Variants in EMILIN1 observed in about 807,000 individuals in gnomAD.
EMILIN1 encodes EMILIN-1.
EMILIN1 carries 49 observed loss-of-function variants against 82.4 expected under a neutral mutation model. That is an observed-to-expected ratio of 0.59 (90% CI 0.47 to 0.75). The LOEUF is 0.75. Among genes scored for constraint, EMILIN1 ranks in the 30% least tolerant of loss-of-function variants. The pLI is 0.00. For synonymous variants in EMILIN1, 604 were observed against 602.2 expected (o/e 1.00, Z -0.04); for missense variants, 1,313 against 1,366.4 (o/e 0.96, Z 0.62).
intron 1 of EMILIN1, 105 bp from the exon 2 acceptor site, chr2:27,080,046 G>A: frequency 7.6e-7 from 1 of 1,323,778 alleles, no homozygotes; most frequent in Non-Finnish European, 1.1e-6. Flanking sequence ...GATCCCCAAG[G>A]GTTCTGCATC....
rs779986557 is a variant in EMILIN1, at chr2:27,083,844, T to G, written c.2273T>G (p.Leu758Arg). The G allele has an allele frequency of 6.2e-7, 1 of 1,603,282 alleles. No individual in the cohort carries two copies. The highest frequency in any genetic ancestry group is 8.5e-7 in the Non-Finnish European group (1 of 1,172,166). ...GGCCTTTCCAGACACGTGGCTGGGC[T>G]CTGGGCTGGGCTCCGGGAAACCAAC... ...REGLSRHVAGLWAGLRETNTT... is the reference protein window; with the variant it reads ...REGLSRHVAGRWAGLRETNTT... Residue 758 changes from leucine (L) to arginine (R), a missense_variant, in exon 4 of 8, where the codon CTC (leucine) becomes CGC (arginine). Physicochemically the swap from Leu to Arg is moderately radical, Grantham distance 102. Transcript: ENST00000380320.
Position 27,083,372 on chromosome 2 carries a change from C to T in EMILIN1, c.1801C>T (p.Arg601Cys), listed in dbSNP as rs745565616. ...AGGCCGCCTTCGGGATGGTGTGGAG[C>T]GCTGCTCCTGCCCCCTGTTGCCTCC... ...ELGRLRDGVERCSCPLLPPRG... is the reference protein window; with the variant it reads ...ELGRLRDGVECCSCPLLPPRG... Residue 601 changes from arginine to cysteine, a missense_variant, in exon 4 of 8, where the codon CGC becomes TGC. Transcript: ENST00000380320. 9 of 1,612,326 alleles carry T rather than the reference C, an allele frequency of 5.6e-6. No individual in the cohort carries two copies. The East Asian group carries it at 6.7e-5, about 12-fold the overall frequency.
At position 27,086,146 on chromosome 2, in the gene EMILIN1, C is replaced by T; in HGVS notation, c.*131C>T. Reference sequence around the variant, plus strand: ...CACCCGGGCCCGCAGCGGCACCGCGCCCAGAGCGGCCTCTCCCCACGCCCG... The same window carrying T: ...CACCCGGGCCCGCAGCGGCACCGCGTCCAGAGCGGCCTCTCCCCACGCCCG... On this transcript the variant is annotated 3_prime_UTR_variant, in exon 8 of 8. Coordinates refer to ENST00000380320, the MANE Select transcript of EMILIN1 (RefSeq NM_007046.4). 2 of 627,240 alleles carry T rather than the reference C, an allele frequency of 3.2e-6. No individual in the cohort carries two copies. Among genetic ancestry groups the T allele is most frequent in the Non-Finnish European group, 4.7e-6 (2 of 427,594 alleles). 38.9% of individuals were successfully genotyped at this position (627,240 alleles called of 1,614,324 possible). A position where few individuals can be genotyped will look rare whatever the true frequency, so the allele number is the denominator to read the frequency against.
intron 3 of EMILIN1, among the ~76,000 whole-genome samples, chr2:27,081,344 A>C (rs1478034200): frequency 2.0e-5 from 3 of 152,144 alleles, no homozygotes; most frequent in African/African-American, 7.2e-5. Context: ...AAATCCTAGC[A>C]TGCATTGCAC....
In EMILIN1 at chr2:27,079,025, G is replaced by GGC. The variant is rs1385763387; in HGVS notation, c.-39_-38dup. The GGC allele has an allele frequency of 6.8e-7, 1 of 1,471,826 alleles. No individual in the cohort carries two copies. Among genetic ancestry groups the GGC allele is most frequent in the African/African-American group, 1.5e-5 (1 of 68,022 alleles). 91.2% of individuals were successfully genotyped at this position (1,471,826 alleles called of 1,614,324 possible). A position where few individuals can be genotyped will look rare whatever the true frequency, so the allele number is the denominator to read the frequency against. On this transcript the variant is annotated 5_prime_UTR_variant, in exon 1 of 8. Transcript: ENST00000380320. Reference sequence around the variant, plus strand: ...GGGCCGGCAGAGGCGCCAGTGGCTGGGCGGGATGAGTCTCTGAGGGCCACT... The same window carrying GGC: ...GGGCCGGCAGAGGCGCCAGTGGCTGGGCGCGGGATGAGTCTCTGAGGGCCACT...
rs1247010196 is a variant in EMILIN1 at position 27,082,342 on chromosome 2, G to T, written c.771G>T (p.Glu257Asp). ...CCCGCGTCTCCACCCACGACCAGGA[G>T]CTGGGTCACCTCAACAACCATCATG... is the stretch of plus-strand genomic sequence containing the variant. The part of the protein sequence containing the change: ...LDTRVSTHDQ[E>D]LGHLNNHHGG... The change falls in exon 4 of 8, where the codon GAG (glutamate) becomes GAT (aspartate). Residue 257 changes from glutamate (E) to aspartate (D), a missense_variant. Physicochemically the swap from Glu to Asp is conservative, Grantham distance 45. Transcript: ENST00000380320. 6.2e-7 allele frequency: 1 copy of T among 1,612,586 alleles called. No individual in the cohort carries two copies. Among genetic ancestry groups the T allele is most frequent in the Non-Finnish European group, 8.5e-7 (1 of 1,179,932 alleles).
intron 1 of EMILIN1, 126 bp downstream of exon 1, chr2:27,079,361 G>A: frequency 1.2e-6 from 1 of 834,846 alleles, no homozygotes; most frequent in Non-Finnish European, 1.8e-6. Flanking sequence ...CATCCATCAG[G>A]TGGCTCCTCA....
At chr2:27,081,294 T>C (rs1669472701) in intron 3 of EMILIN1, among the ~76,000 whole-genome samples, 1 of 152,072 alleles carries the variant, frequency 6.6e-6, no homozygotes, top group Admixed American at 6.5e-5. Flanking sequence ...GGGCATTCCT[T>C]TGAGAAGCTT....
At position 27,080,171 on chromosome 2, in the gene EMILIN1, T is replaced by C; in HGVS notation, c.191T>C (p.Val64Ala). The C allele has an allele frequency of 6.2e-7, 1 of 1,614,070 alleles. No individual in the cohort carries two copies. ...TACAGGAACTGGTGTGCCTACGTGG[T>C]GACCCGGACAGTGAGCTGTGTCCTT... ...SRHRNWCAYV[V>A]TRTVSCVLED... The change falls in exon 2 of 8, where the codon GTG (valine) becomes GCG (alanine). Residue 64 changes from valine (V) to alanine (A), a missense_variant. Transcript: ENST00000380320.
chr2:27,086,021 G>C lies in EMILIN1; in HGVS notation c.*6G>C. On this transcript the variant is annotated 3_prime_UTR_variant, in exon 8 of 8. Coordinates refer to ENST00000380320, the MANE Select transcript of EMILIN1 (RefSeq NM_007046.4). ...CAGAGCTTGAACACGCGTAGACTGG[G>C]GTCCCGCCCGACGTGTCTACGTCGG... 7.0e-7 allele frequency: 1 copy of C among 1,434,160 alleles called. No individual in the cohort carries two copies. Among genetic ancestry groups the C allele is most frequent in the Non-Finnish European group, 9.2e-7 (1 of 1,085,374 alleles). 88.8% of individuals were successfully genotyped at this position (1,434,160 alleles called of 1,614,324 possible).
rs769500331 is a variant in EMILIN1, at chr2:27,084,454, T to G, written c.2480T>G (p.Leu827Arg). Reference sequence around the variant, plus strand: ...GCTGGGCCCCCAGGGCCTCCTGGGCTGCAGGGACCCCCAGGCCCTGCTGGA... The same window carrying G: ...GCTGGGCCCCCAGGGCCTCCTGGGCGGCAGGGACCCCCAGGCCCTGCTGGA... ...GEAGPPGPPG[L>R]QGPPGPAGPP... Residue 827 changes from leucine (L) to arginine (R), a missense_variant, in exon 5 of 8, where the codon CTG (leucine) becomes CGG (arginine). Physicochemically the swap from Leu to Arg is moderately radical, Grantham distance 102. Transcript: ENST00000380320. 5.0e-6 allele frequency: 8 copies of G among 1,612,710 alleles called. No individual in the cohort carries two copies. The highest frequency in any genetic ancestry group is 6.8e-6 in the Non-Finnish European group (8 of 1,179,622).
chr2:27,079,010 A>T lies in EMILIN1; in HGVS notation c.-56A>T. 2 of 1,377,482 alleles carry T rather than the reference A, an allele frequency of 1.5e-6. No homozygotes were observed. The highest frequency in any genetic ancestry group is 1.9e-6 in the Non-Finnish European group (2 of 1,034,242). The allele number at this position is 1,377,482 out of a possible 1,614,324, so 85.3% of individuals were successfully genotyped here. A position where few individuals can be genotyped will look rare whatever the true frequency, so the allele number is the denominator to read the frequency against. ...GCAGCAGCATCCCCGGGGCCGGCAGAGGCGCCAGTGGCTGGGCGGGATGAG... is the reference window on the plus strand; with the variant it reads ...GCAGCAGCATCCCCGGGGCCGGCAGTGGCGCCAGTGGCTGGGCGGGATGAG... On this transcript the variant is annotated 5_prime_UTR_variant, in exon 1 of 8. Transcript: ENST00000380320.
chr2:27,079,296 C>T, intron 1 of EMILIN1, 61 bp downstream of exon 1: 2 of 1,397,470 alleles, frequency 1.4e-6, no homozygotes, highest in Non-Finnish European at 1.9e-6. Flanking sequence ...AATGCCACCT[C>T]TGCCTGGCTC....
At position 27,083,327 on chromosome 2, in the gene EMILIN1, G is replaced by T; in HGVS notation, c.1756G>T (p.Gly586Cys). Residue 586 changes from glycine to cysteine, a missense_variant, in exon 4 of 8, where the codon GGC becomes TGC. Gly to Cys is a radical substitution (Grantham distance 159). Coordinates refer to ENST00000380320, the MANE Select transcript of EMILIN1 (RefSeq NM_007046.4). ...AHGDEGCGACGGVQEELGRLR... is the reference protein window; with the variant it reads ...AHGDEGCGACCGVQEELGRLR... The stretch of plus-strand genomic sequence containing the variant: ...TGGGGATGAGGGCTGTGGGGCCTGT[G>T]GCGGAGTCCAAGAGGAACTAGGCCG... The T allele has an allele frequency of 6.2e-7, 1 of 1,613,348 alleles. No homozygotes were observed. Among genetic ancestry groups the T allele is most frequent in the South Asian group, 1.1e-5 (1 of 91,084 alleles).
At position 27,082,439 on chromosome 2, in the gene EMILIN1, C is replaced by G; in HGVS notation, c.868C>G (p.Leu290Val). The G allele has an allele frequency of 6.3e-7, 1 of 1,592,018 alleles. No individual in the cohort carries two copies. Among genetic ancestry groups the G allele is most frequent in the Non-Finnish European group, 8.5e-7 (1 of 1,171,848 alleles). Reference sequence around the variant, plus strand: ...AGCCCCTCCGGGCCCCAGTGAGGAGCTGCTGCGGCAGCTGGAGCAGCGGTT... The same window carrying G: ...AGCCCCTCCGGGCCCCAGTGAGGAGGTGCTGCGGCAGCTGGAGCAGCGGTT... The part of the protein sequence containing the change: ...ASAPPGPSEE[L>V]LRQLEQRLQE... Residue 290 changes from leucine (L) to valine (V), a missense_variant, in exon 4 of 8, where the codon CTG becomes GTG. Coordinates refer to ENST00000380320, the MANE Select transcript of EMILIN1 (RefSeq NM_007046.4).
At chr2:27,079,353 T>A (rs1669436792) in intron 1 of EMILIN1, 118 bp downstream of exon 1, 12 of 893,602 alleles carry the variant, frequency 1.3e-5, no homozygotes, top group South Asian at 1.9e-5. Context: ...GAGAAGCCCA[T>A]CCATCAGGTG....
At chr2:27,085,507 G>C (rs1572849109) in intron 7 of EMILIN1, among the ~76,000 whole-genome samples, 171 bp from the exon 8 acceptor site, 1 of 152,224 alleles carries the variant, frequency 6.6e-6, no homozygotes, top group South Asian at 2.1e-4. Flanking sequence ...GCCTGCTCCT[G>C]CCCAGGCACT....
At chr2:27,081,476 C>T (rs374245469) in intron 3 of EMILIN1, among the ~76,000 whole-genome samples, 2 of 152,116 alleles carry the variant, frequency 1.3e-5, no homozygotes, top group African/African-American at 4.8e-5. Flanking sequence ...TTCCCTGCCC[C>T]GAGATAGCCT....
chr2:27,085,072 G>T (rs958495780), intron 6 of EMILIN1, 64 bp downstream of exon 6: 1 of 1,612,532 alleles, frequency 6.2e-7, no homozygotes, highest in South Asian at 1.1e-5. Context: ...AGAGGTCCTC[G>T]GGCAGCCCTG....
Sources: gnomAD v4.1 joint callset for allele counts (sites outside exome capture counted in the v4.1 genomes callset) on GRCh38, gnomAD v4.1.1 for gene constraint, MANE v1.5 for transcripts, NCBI Gene and HGNC (gene_info 2026-07-23, HGNC 2026-07-21) for gene names.